The following PCDHGA11 variants were observed in gnomAD, a reference collection of about 807,000 sequenced individuals.
The protein encoded by PCDHGA11 is protocadherin gamma-A11.
In PCDHGA11, 39 loss-of-function variants were observed where a neutral mutation model predicts 60.4. The observed-to-expected ratio is 0.65, with a 90% CI of 0.50 to 0.84. PCDHGA11 has a LOEUF of 0.84. PCDHGA11 is among the 40% of genes least tolerant of loss of function. The probability of loss-of-function intolerance (pLI) is 0.00; values close to 1 mark genes in which losing one functional copy is unlikely to be tolerated. For missense variants in PCDHGA11, 1,165 were observed against 1,197.7 expected (o/e 0.97, Z 0.40); for synonymous variants, 533 against 510.3 (o/e 1.04, Z -0.60).
At position 141,432,707 on chromosome 5, in the gene PCDHGA11, G is replaced by A. The variant is rs750859951; in HGVS notation, c.2433+9047G>A. ...CCTCGTAGTGGCCGTCCAGGACCAC[G>A]GCCAGCCCCCTCTCTCCGCCACTGT... On this transcript the variant is annotated intron_variant, in intron 1 of 3. Coordinates refer to ENST00000398587, the MANE Select transcript of PCDHGA11 (RefSeq NM_018914.3). The surrounding 1 kb of genome is among the most constrained non-coding windows in gnomAD (Gnocchi z 6.0). 5 of 1,613,988 alleles carry A rather than the reference G, an allele frequency of 3.1e-6. No individual in the cohort carries two copies. Among genetic ancestry groups the A allele is most frequent in the Non-Finnish European group, 4.2e-6 (5 of 1,179,970 alleles).
intron 1 of PCDHGA11, among the ~76,000 whole-genome samples, chr5:141,443,521 T>A (rs2098392520): frequency 6.6e-6 from 1 of 152,156 alleles, no homozygotes; most frequent in Admixed American, 6.6e-5. Context: ...TCTCTCCTTA[T>A]GACTTATTTA....
intron 1 of PCDHGA11, chr5:141,478,777 C>T: frequency 6.7e-7 from 1 of 1,488,806 alleles, no homozygotes. Context: ...CATCTGTGGA[C>T]CTAATTCACA....
chr5:141,506,304 C>A (rs569926873), intron 3 of PCDHGA11, among the ~76,000 whole-genome samples: 3 of 152,078 alleles, frequency 2.0e-5, no homozygotes, highest in Non-Finnish European at 4.4e-5. Context: ...CAAAAATTAG[C>A]TGGGCATGGT....
rs756993242 is a variant in PCDHGA11 at position 141,432,265 on chromosome 5, G to T, written c.2433+8605G>T. 2.5e-6 allele frequency: 4 copies of T among 1,614,210 alleles called. No homozygotes were observed. The South Asian group carries it at 3.3e-5, about 13-fold the overall frequency. ...ACACCATCCAAGGGGCAAGCCTATC[G>T]TCCTACGTGTCCATCAACTCCGACA... On this transcript the variant is annotated intron_variant, in intron 1 of 3. Coordinates refer to ENST00000398587, the MANE Select transcript of PCDHGA11 (RefSeq NM_018914.3). This position sits in a 1 kb window ranked among gnomAD's most constrained non-coding sequence, Gnocchi z 6.0.
rs1361609314 is a variant in PCDHGA11 at position 141,423,642 on chromosome 5, TGACCC to T, written c.2419_2423del (p.Pro807LysfsTer2). 6 of 1,596,888 alleles carry T rather than the reference TGACCC, an allele frequency of 3.8e-6. No individual in the cohort carries two copies. In the South Asian group the frequency reaches 5.7e-5, roughly 15 times the overall value. ...ACTCAGCTATCATTTTAGGCAAATGTGACCCGACAAGTAATCAGGTGAGATTTATT... is the reference window on the plus strand; with the variant it reads ...ACTCAGCTATCATTTTAGGCAAATGTGACAAGTAATCAGGTGAGATTTATT... On this transcript the variant is annotated frameshift_variant, in exon 1 of 4. Transcript: ENST00000398587. LOFTEE classifies it high-confidence loss of function.
At chr5:141,505,583 T>C (rs2099846941) in intron 3 of PCDHGA11, 102 bp downstream of exon 3, 3 of 1,583,532 alleles carry the variant, frequency 1.9e-6, no homozygotes, top group Non-Finnish European at 2.6e-6. Flanking sequence ...ACCTGTGTAG[T>C]TTCTCCAGAT....
intron 1 of PCDHGA11, among the ~76,000 whole-genome samples, chr5:141,482,161 G>A (rs2099554171): frequency 6.6e-6 from 1 of 152,008 alleles, no homozygotes; most frequent in Non-Finnish European, 1.5e-5. Context: ...TCAAAGATAT[G>A]TAAGATTAAG....
At position 141,511,349 on chromosome 5, in the gene PCDHGA11, C is replaced by CG; in HGVS notation, c.*176_*177insG. On this transcript the variant is annotated 3_prime_UTR_variant, in exon 4 of 4. Coordinates refer to ENST00000398587, the MANE Select transcript of PCDHGA11 (RefSeq NM_018914.3). The stretch of plus-strand genomic sequence containing the variant: ...GCCCAGTCAGCACCTACCCCTTCCC[C>CG]CCCAGGGGGTTGAATATGCAAAAGC... 7.1e-7 allele frequency: 1 copy of CG among 1,401,498 alleles called. No homozygotes were observed. Among genetic ancestry groups the CG allele is most frequent in the African/African-American group, 1.5e-5 (1 of 68,948 alleles). 86.8% of individuals were successfully genotyped at this position (1,401,498 alleles called of 1,614,324 possible).
rs2099883748 is a variant in PCDHGA11 at position 141,511,359 on chromosome 5, T to A, written c.*186T>A. On this transcript the variant is annotated 3_prime_UTR_variant, in exon 4 of 4. Transcript: ENST00000398587. ...CACCTACCCCTTCCCCCCCAGGGGGTTGAATATGCAAAAGCAGTTCCGCTG... is the reference window on the plus strand; with the variant it reads ...CACCTACCCCTTCCCCCCCAGGGGGATGAATATGCAAAAGCAGTTCCGCTG... 2 of 1,339,338 alleles carry A rather than the reference T, an allele frequency of 1.5e-6. No individual in the cohort carries two copies. Among genetic ancestry groups the A allele is most frequent in the Non-Finnish European group, 2.0e-6 (2 of 1,000,492 alleles). The allele number at this position is 1,339,338 out of a possible 1,614,324, so 83.0% of individuals were successfully genotyped here. A position where few individuals can be genotyped will look rare whatever the true frequency, so the allele number is the denominator to read the frequency against.
At chr5:141,424,762 A>T (rs1002777641) in intron 1 of PCDHGA11, 8 of 152,124 alleles carry the variant, frequency 5.3e-5, no homozygotes, top group African/African-American at 1.9e-4. Context: ...GGTCATTCTT[A>T]TGGCAAATAG....
In PCDHGA11 at chr5:141,433,040, A is replaced by ACGGACT. The variant is rs753119003; in HGVS notation, c.2433+9383_2433+9388dup. The ACGGACT allele has an allele frequency of 8.1e-6, 13 of 1,614,088 alleles. No homozygotes were observed. In the African/African-American group the frequency reaches 1.7e-4, roughly 22 times the overall value. On this transcript the variant is annotated intron_variant, in intron 1 of 3. Transcript: ENST00000398587. ...CTATTCCCACGAGGTTTCCCTCACC[A>ACGGACT]CGGACTCGCGGAAGAGTCACCTGAT...
rs1369821635 is a variant in PCDHGA11, at chr5:141,512,208, G to T, written c.*1035G>T. ...TTCAGTCCAAGGAAGCTCGAAGCAG[G>T]TTTAGGACCAGGTCCCCTTGAGAGG... On this transcript the variant is annotated 3_prime_UTR_variant, in exon 4 of 4. Coordinates refer to ENST00000398587, the MANE Select transcript of PCDHGA11 (RefSeq NM_018914.3). 6.5e-6 allele frequency: 1 copy of T among 152,758 alleles called. No homozygotes were observed. The highest frequency in any genetic ancestry group is 2.4e-5 in the African/African-American group (1 of 41,454). The allele number at this position is 152,758 out of a possible 1,614,324, so 9.5% of individuals were successfully genotyped here.
At chr5:141,437,338 C>T (rs1328789308) in intron 1 of PCDHGA11, among the ~76,000 whole-genome samples, 1 of 152,196 alleles carries the variant, frequency 6.6e-6, no homozygotes, top group Non-Finnish European at 1.5e-5. Flanking sequence ...TGTAGCTTCA[C>T]TGTTTTATAG....
intron 1 of PCDHGA11, chr5:141,427,665 G>A (rs763897261): frequency 1.3e-5 from 10 of 782,298 alleles, no homozygotes; most frequent in Admixed American, 3.9e-5. Flanking sequence ...CCACGTGGCC[G>A]AAAACAACCT....
intron 1 of PCDHGA11, chr5:141,441,943 C>CT: frequency 1.2e-5 from 4 of 336,004 alleles, no homozygotes; most frequent in South Asian, 1.1e-4. Flanking sequence ...CTACCACGTG[C>CT]TGCAGGCCAG....
chr5:141,450,258 T>A (rs1267755848), intron 1 of PCDHGA11, among the ~76,000 whole-genome samples: 1 of 152,096 alleles, frequency 6.6e-6, no homozygotes, highest in Non-Finnish European at 1.5e-5. Context: ...CCTCAAGTGA[T>A]CTGCCCACCT....
In PCDHGA11 at chr5:141,422,709, T is replaced by A; in HGVS notation, c.1482T>A (p.Asp494Glu). ...CCCTGGTCACTTACTCTCTGACGGA[T>A]GACACTGTCCAGGGGGTGCCTCTGT... ...QNALVTYSLT[D>E]DTVQGVPLSS... Residue 494 changes from aspartate to glutamate, a missense_variant, in exon 1 of 4, where the codon GAT becomes GAA. Coordinates refer to ENST00000398587, the MANE Select transcript of PCDHGA11 (RefSeq NM_018914.3). 6.2e-7 allele frequency: 1 copy of A among 1,603,558 alleles called. No individual in the cohort carries two copies. Among genetic ancestry groups the A allele is most frequent in the Admixed American group, 1.7e-5 (1 of 59,590 alleles).
chr5:141,482,383 G>A (rs1594230401), intron 1 of PCDHGA11, among the ~76,000 whole-genome samples: 2 of 152,240 alleles, frequency 1.3e-5, no homozygotes, highest in East Asian at 3.9e-4. Context: ...TAAAGTCCCT[G>A]TATGGAGCAA....
At chr5:141,426,922 T>C in intron 1 of PCDHGA11, 1 of 456,720 alleles carries the variant, frequency 2.2e-6, no homozygotes, top group Non-Finnish European at 4.4e-6. Flanking sequence ...CTGGAAGCAA[T>C]GGACATGGGT....
Sources: allele counts gnomAD v4.1 joint callset (sites outside exome capture counted in the v4.1 genomes callset), GRCh38; gene constraint gnomAD v4.1.1; non-coding constraint Gnocchi (gnomAD v3.1); transcripts MANE v1.5; gene names NCBI Gene and HGNC (gene_info 2026-07-23, HGNC 2026-07-21).